The following DCLK1 variants were observed in gnomAD, a reference collection of about 807,000 sequenced individuals.
The protein encoded by DCLK1 is serine/threonine-protein kinase DCLK1.
A neutral mutation model predicts 86.2 loss-of-function variants in DCLK1; 16 were observed. That is an observed-to-expected ratio of 0.19 (90% CI 0.13 to 0.28). The LOEUF is 0.28. Ranked by LOEUF, DCLK1 falls within the 10% of genes least tolerant of loss-of-function variation. The probability of loss-of-function intolerance (pLI) is 1.00; values close to 1 mark genes in which losing one functional copy is unlikely to be tolerated. For synonymous variants in DCLK1, 369 were observed against 370.5 expected, an observed-to-expected ratio of 1.00 and a Z score of 0.05; for missense variants, 590 against 940.2, an observed-to-expected ratio of 0.63 and a Z score of 4.87.
intron 4 of DCLK1, among the ~76,000 whole-genome samples, chr13:35,881,558 G>T: frequency 6.6e-6 from 1 of 152,154 alleles, no homozygotes; most frequent in East Asian, 1.9e-4. Context: ...TTCTCATTTG[G>T]TTGGTCTTCA....
At chr13:36,110,094 T>G (rs1885556366) in intron 3 of DCLK1, among the ~76,000 whole-genome samples, 1 of 152,190 alleles carries the variant, frequency 6.6e-6, no homozygotes, top group Non-Finnish European at 1.5e-5. Context: ...TATAAAAATA[T>G]TTATTTGAAT....
intron 15 of DCLK1, among the ~76,000 whole-genome samples, chr13:35,794,658 CCTGCTCTCCTAGACCCT>C (rs2086770989): frequency 6.6e-6 from 1 of 152,204 alleles, no homozygotes; most frequent in African/African-American, 2.4e-5. Flanking sequence ...AGGCATGGGC[CCTGCTCTCCTAGACCCT>C]CTGCTCCATT....
chr13:36,115,363 T>C (rs897336881), intron 2 of DCLK1, among the ~76,000 whole-genome samples: 1 of 151,570 alleles, frequency 6.6e-6, no homozygotes. Context: ...AAACACAAGG[T>C]ATTTTTGAGC....
chr13:35,965,681 A>G (rs1406717640), intron 3 of DCLK1, among the ~76,000 whole-genome samples: 4 of 152,152 alleles, frequency 2.6e-5, no homozygotes, highest in African/African-American at 9.7e-5. Flanking sequence ...TTTTAGGAAG[A>G]CTGACTGGAA....
In DCLK1 at chr13:35,773,006, G is replaced by C. The variant is rs571509202; in HGVS notation, c.*1529C>G. On this transcript the variant is annotated 3_prime_UTR_variant, in exon 17 of 17. Coordinates refer to ENST00000360631, the MANE Select transcript of DCLK1 (RefSeq NM_001330071.2). ...AAATTTCATGAGATATCCCTCTCTG[G>C]TTGTCTCGTGGATCCCAGAGCCCAG... is the stretch of plus-strand genomic sequence containing the variant. 1 of 152,256 alleles carries C rather than the reference G, an allele frequency of 6.6e-6. No homozygotes were observed. Among genetic ancestry groups the C allele is most frequent in the South Asian group, 2.1e-4 (1 of 4,818 alleles). The allele number at this position is 152,256 out of a possible 1,614,324, so 9.4% of individuals were successfully genotyped here. A position where few individuals can be genotyped will look rare whatever the true frequency, so the allele number is the denominator to read the frequency against.
intron 2 of DCLK1, among the ~76,000 whole-genome samples, chr13:36,115,231 G>A (rs1241196195): frequency 6.6e-6 from 1 of 152,084 alleles, no homozygotes; most frequent in Non-Finnish European, 1.5e-5. Context: ...TACAATTACT[G>A]TAGTATACTT....
At chr13:35,817,589 C>T (rs537900136) in intron 11 of DCLK1, among the ~76,000 whole-genome samples, 1 of 152,236 alleles carries the variant, frequency 6.6e-6, no homozygotes, top group South Asian at 2.1e-4. Flanking sequence ...AAAGTTATCC[C>T]GTCCTCCATG....
At chr13:36,105,049 G>T (rs569255919) in intron 3 of DCLK1, among the ~76,000 whole-genome samples, 1 of 151,982 alleles carries the variant, frequency 6.6e-6, no homozygotes, top group East Asian at 1.9e-4. Context: ...ATATTATGAG[G>T]TATGCATTAT....
intron 3 of DCLK1, among the ~76,000 whole-genome samples, chr13:36,053,516 C>G (rs1385688500): frequency 1.3e-5 from 2 of 152,088 alleles, no homozygotes; most frequent in African/African-American, 4.8e-5. Flanking sequence ...GAGGTTACAG[C>G]AGCACATCTA....
At chr13:36,120,127 C>T (rs1258365528) in intron 2 of DCLK1, among the ~76,000 whole-genome samples, 1 of 151,994 alleles carries the variant, frequency 6.6e-6, no homozygotes, top group Non-Finnish European at 1.5e-5. Flanking sequence ...AAAACATAAA[C>T]ATACCACAAG....
chr13:35,853,037 G>T (rs1194987752), intron 6 of DCLK1, among the ~76,000 whole-genome samples: 4 of 152,178 alleles, frequency 2.6e-5, no homozygotes, highest in African/African-American at 9.7e-5. Flanking sequence ...CCTATAGATT[G>T]ACGCCTCACT....
At chr13:35,824,565 C>T (rs2087477255) in intron 10 of DCLK1, among the ~76,000 whole-genome samples, 1 of 152,104 alleles carries the variant, frequency 6.6e-6, no homozygotes, top group Non-Finnish European at 1.5e-5. Flanking sequence ...CCATCTGGGC[C>T]TTCCTACTCC....
chr13:35,877,430 T>C lies in DCLK1; in HGVS notation c.824-6090A>G, dbSNP rs80325438. On this transcript the variant is annotated intron_variant, in intron 4 of 16. Coordinates refer to ENST00000360631, the MANE Select transcript of DCLK1 (RefSeq NM_001330071.2). ...CACCAGTGGCTCACCTGAGCTCACA[T>C]AGTGATCATGCATTCAAAGGGGCCT... Among the ~76,000 whole-genome samples, 498 of 152,330 alleles carry C rather than the reference T, an allele frequency of 3.3e-3. 1 individual carries two copies. Among genetic ancestry groups the C allele is most frequent in the African/African-American group, 0.011 (475 of 41,572 alleles).
chr13:35,882,880 TAAAC>T (rs1470231840), intron 4 of DCLK1, among the ~76,000 whole-genome samples: 1 of 152,164 alleles, frequency 6.6e-6, no homozygotes, highest in Non-Finnish European at 1.5e-5. Context: ...AAATGAGCCT[TAAAC>T]AAACAAAAAC....
At chr13:35,855,668 G>T (rs1871006975) in intron 5 of DCLK1, 1 of 1,417,230 alleles carries the variant, frequency 7.1e-7, no homozygotes, top group South Asian at 1.6e-5. Context: ...TGAATGAGAT[G>T]CAGGATTCAT....
chr13:35,832,015 A>G (rs993339844), intron 8 of DCLK1, among the ~76,000 whole-genome samples: 8 of 152,204 alleles, frequency 5.3e-5, no homozygotes, highest in African/African-American at 1.9e-4. Flanking sequence ...GAAATGGGCC[A>G]GGCATGGTGG....
intron 3 of DCLK1, among the ~76,000 whole-genome samples, chr13:36,077,896 C>G (rs1013222077): frequency 6.6e-6 from 1 of 152,186 alleles, no homozygotes; most frequent in Admixed American, 6.5e-5. Flanking sequence ...ATTAATATGA[C>G]TTTGTGAGCT....
chr13:35,933,093 C>T (rs1876548010), intron 4 of DCLK1, among the ~76,000 whole-genome samples: 1 of 152,196 alleles, frequency 6.6e-6, no homozygotes, highest in Non-Finnish European at 1.5e-5. Context: ...TATGCAAGTC[C>T]AAAATCCAGT....
chr13:35,837,970 G>A (rs1869509481), intron 7 of DCLK1, among the ~76,000 whole-genome samples: 1 of 151,628 alleles, frequency 6.6e-6, no homozygotes, highest in Non-Finnish European at 1.5e-5. Flanking sequence ...GGAGGCTGAG[G>A]CAGGAGAATT....
Sources: allele counts gnomAD v4.1 joint callset (sites outside exome capture counted in the v4.1 genomes callset), GRCh38; gene constraint gnomAD v4.1.1; transcripts MANE v1.5; gene names NCBI Gene and HGNC (gene_info 2026-07-23, HGNC 2026-07-21).